The following OR51B5 variants were observed in gnomAD, a reference collection of about 807,000 sequenced individuals.
OR51B5 encodes the protein olfactory receptor family 51 subfamily B member 5, also known as olfactory receptor 51B5.
For missense variants in OR51B5, 456 were observed against 374.6 expected (o/e 1.22, Z -1.79); for synonymous variants, 186 against 144.8 (o/e 1.28, Z -2.04).
chr11:5,490,171 A>C (rs1851561588), intron 1 of OR51B5, among the ~76,000 whole-genome samples: 1 of 152,196 alleles, frequency 6.6e-6, no homozygotes, highest in Non-Finnish European at 1.5e-5. Flanking sequence ...AGTTTGGCCA[A>C]CTGTTAAATG....
chr11:5,352,371 T>C (rs1448765423), intron 1 of OR51B5: 1 of 1,613,796 alleles, frequency 6.2e-7, no homozygotes, highest in South Asian at 1.1e-5. Context: ...TGAACCCATT[T>C]ATCTATAGCA....
intron 1 of OR51B5, among the ~76,000 whole-genome samples, chr11:5,419,873 C>T (rs935302918): frequency 2.0e-5 from 3 of 151,760 alleles, no homozygotes; most frequent in South Asian, 2.1e-4. Context: ...TACCATAGTT[C>T]CAGCACAGGT....
intron 1 of OR51B5, among the ~76,000 whole-genome samples, chr11:5,377,362 T>C (rs1337962460): frequency 6.6e-6 from 1 of 152,178 alleles, no homozygotes; most frequent in Non-Finnish European, 1.5e-5. Context: ...TCATACTGAA[T>C]GGGCAAAAAC....
rs567998631 is a variant in OR51B5, at chr11:5,451,207, G to T, written n.84+54362C>A. On this transcript the variant is annotated intron_variant and non_coding_transcript_variant, in intron 1 of 4. Coordinates refer to the OR51B5 transcript ENST00000415970. ...TAGCAATCCCCAAGGTAAGGGAAGG[G>T]ATATAATTCTGGAACAGTCAGGCAG... is the stretch of plus-strand genomic sequence containing the variant. 3.3e-5 allele frequency among the ~76,000 whole-genome samples: 5 copies of T among 152,322 alleles called. No homozygotes were observed. In the East Asian group the frequency reaches 9.7e-4, roughly 29 times the overall value.
chr11:5,363,879 A>T (rs1243725533), intron 1 of OR51B5, among the ~76,000 whole-genome samples: 6 of 152,006 alleles, frequency 3.9e-5, no homozygotes, highest in Non-Finnish European at 2.9e-5. Flanking sequence ...CTCTTTGCAA[A>T]CCCCAGCCCC....
intron 1 of OR51B5, chr11:5,402,593 C>G (rs1224521440): frequency 2.1e-6 from 1 of 467,382 alleles, no homozygotes; most frequent in Non-Finnish European, 4.5e-6. Context: ...GATGATATGT[C>G]AACATGAAAA....
intron 1 of OR51B5, among the ~76,000 whole-genome samples, chr11:5,362,066 C>A (rs1032420021): frequency 2.6e-5 from 4 of 152,268 alleles, no homozygotes; most frequent in East Asian, 3.9e-4. Context: ...GCTGCATATT[C>A]CCAGAAATGA....
At chr11:5,479,472 G>C (rs1326701449) in intron 1 of OR51B5, among the ~76,000 whole-genome samples, 3 of 150,764 alleles carry the variant, frequency 2.0e-5, no homozygotes, top group Non-Finnish European at 3.0e-5. Flanking sequence ...AAAATCACCA[G>C]CTAACATCAT....
At chr11:5,365,217 A>C (rs1027717804) in intron 1 of OR51B5, among the ~76,000 whole-genome samples, 2 of 152,160 alleles carry the variant, frequency 1.3e-5, no homozygotes, top group Non-Finnish European at 2.9e-5. Flanking sequence ...TAAGTTGTCT[A>C]TTATATCAGG....
intron 1 of OR51B5, among the ~76,000 whole-genome samples, chr11:5,348,640 G>C (rs1335269865): frequency 1.3e-5 from 2 of 152,090 alleles, no homozygotes; most frequent in Admixed American, 1.3e-4. Flanking sequence ...TGTGTAACAG[G>C]CATCCACTAC....
At chr11:5,413,191 T>G (rs1325034603) in intron 1 of OR51B5, among the ~76,000 whole-genome samples, 4 of 152,138 alleles carry the variant, frequency 2.6e-5, no homozygotes, top group Non-Finnish European at 4.4e-5. Flanking sequence ...GGCATGGACC[T>G]CAAGCAAACT....
At chr11:5,446,340 T>C (rs906034613) in intron 1 of OR51B5, among the ~76,000 whole-genome samples, 7 of 152,124 alleles carry the variant, frequency 4.6e-5, no homozygotes, top group Admixed American at 4.6e-4. Context: ...AAAATATTCA[T>C]GGTAGAATTT....
intron 1 of OR51B5, among the ~76,000 whole-genome samples, chr11:5,460,681 C>T (rs1345587878): frequency 1.3e-5 from 2 of 152,158 alleles, no homozygotes; most frequent in Non-Finnish European, 2.9e-5. Flanking sequence ...AGAATTCTTT[C>T]CCTGGTTCTT....
intron 1 of OR51B5, among the ~76,000 whole-genome samples, chr11:5,464,270 G>T (rs1228702481): frequency 2.0e-5 from 3 of 152,192 alleles, no homozygotes; most frequent in East Asian, 3.8e-4. Flanking sequence ...AAAAATCTGA[G>T]AATTAGAAAG....
chr11:5,368,733 C>T (rs576949371), intron 1 of OR51B5, among the ~76,000 whole-genome samples: 58 of 152,276 alleles, frequency 3.8e-4, no homozygotes, highest in African/African-American at 1.3e-3. Flanking sequence ...CATTGAGTTA[C>T]TCAAAATATT....
chr11:5,420,353 C>A (rs956587038), intron 1 of OR51B5, among the ~76,000 whole-genome samples: 1 of 152,020 alleles, frequency 6.6e-6, no homozygotes, highest in Admixed American at 6.5e-5. Context: ...ACCAATTATA[C>A]GATTTAACTT....
intron 1 of OR51B5, among the ~76,000 whole-genome samples, chr11:5,427,262 A>C (rs2133765510): frequency 6.6e-6 from 1 of 152,340 alleles, no homozygotes; most frequent in East Asian, 1.9e-4. Flanking sequence ...TATCCTATTA[A>C]TCTGTCTGTT....
intron 1 of OR51B5, among the ~76,000 whole-genome samples, chr11:5,381,981 C>T (rs1319245051): frequency 3.9e-5 from 6 of 152,214 alleles, no homozygotes; most frequent in African/African-American, 1.4e-4. Flanking sequence ...GCATCCAGCT[C>T]CATACACCAA....
At chr11:5,441,502 T>C (rs371348386) in intron 1 of OR51B5, 9 of 1,611,222 alleles carry the variant, frequency 5.6e-6, no homozygotes, top group Non-Finnish European at 4.2e-6. Context: ...GGGGTGCCAT[T>C]GAGACCCAGC....
Sources: gnomAD v4.1 joint callset for allele counts (sites outside exome capture counted in the v4.1 genomes callset) on GRCh38, gnomAD v4.1.1 for gene constraint, MANE v1.5 for transcripts, NCBI Gene and HGNC (gene_info 2026-07-23, HGNC 2026-07-21) for gene names.